Variants in COL23A1 observed in about 807,000 individuals in gnomAD.
The protein encoded by COL23A1 is collagen type XXIII alpha 1 chain, also known as collagen alpha-1(XXIII) chain.
COL23A1 carries 97 observed loss-of-function variants against 99.3 expected under a neutral mutation model. The observed-to-expected ratio is 0.98, with a 90% confidence interval of 0.83 to 1.16. The LOEUF is 1.16. Among genes scored for constraint, COL23A1 ranks in the 50% most tolerant of loss-of-function variants. The pLI is 0.00. For missense variants in COL23A1, 762 were observed against 757.4 expected (o/e 1.01, Z -0.07); for synonymous variants, 320 against 308.2 (o/e 1.04, Z -0.40).
At chr5:178,517,578 T>C (rs2128000334) in intron 2 of COL23A1, among the ~76,000 whole-genome samples, 1 of 145,212 alleles carries the variant, frequency 6.9e-6, no homozygotes, top group African/African-American at 2.6e-5. Context: ...GTTTTTTTTT[T>C]TGAGATGGAG....
chr5:178,312,799 G>A (rs1303949721), intron 2 of COL23A1, among the ~76,000 whole-genome samples: 3 of 149,370 alleles, frequency 2.0e-5, no homozygotes, highest in Non-Finnish European at 4.4e-5. Flanking sequence ...CAGCCCCTGA[G>A]GACAGGGGGT....
intron 28 of COL23A1, among the ~76,000 whole-genome samples, 160 bp downstream of exon 28, chr5:178,238,981 A>C (rs1764250750): frequency 6.6e-6 from 1 of 152,130 alleles, no homozygotes; most frequent in African/African-American, 2.4e-5. Flanking sequence ...GGAGAGTCAA[A>C]ACCAGGGTCA....
rs190771719 is a variant in COL23A1, at chr5:178,285,173, C to T, written c.441+3151G>A. 2.6e-5 allele frequency among the ~76,000 whole-genome samples: 4 copies of T among 152,248 alleles called. No homozygotes were observed. The East Asian group carries it at 7.7e-4, about 29-fold the overall frequency. On this transcript the variant is annotated intron_variant, in intron 5 of 28. Coordinates refer to ENST00000390654, the MANE Select transcript of COL23A1 (RefSeq NM_173465.4). Reference sequence around the variant, plus strand: ...ACAGATGTGGGTGGCCCCTATGCCCCGTGTCCTCCAGCCACTCCTATCAGG... The same window carrying T: ...ACAGATGTGGGTGGCCCCTATGCCCTGTGTCCTCCAGCCACTCCTATCAGG...
intron 2 of COL23A1, among the ~76,000 whole-genome samples, chr5:178,398,525 G>A (rs551603749): frequency 4.7e-4 from 71 of 152,258 alleles, no homozygotes; most frequent in African/African-American, 1.6e-3. Context: ...TACTTGGGAG[G>A]CTAAGGTGGG....
chr5:178,419,870 C>T (rs765416540), intron 2 of COL23A1, among the ~76,000 whole-genome samples: 2 of 152,158 alleles, frequency 1.3e-5, no homozygotes, highest in Non-Finnish European at 2.9e-5. Context: ...AGGCAAACGC[C>T]GAGCTGTAAC....
chr5:178,299,531 C>T (rs1205775249), intron 3 of COL23A1, among the ~76,000 whole-genome samples: 1 of 151,994 alleles, frequency 6.6e-6, no homozygotes, highest in East Asian at 1.9e-4. Flanking sequence ...ATTTGAGACT[C>T]CAGTGTTTTT....
At chr5:178,402,188 A>G (rs1764486238) in intron 2 of COL23A1, among the ~76,000 whole-genome samples, 1 of 152,124 alleles carries the variant, frequency 6.6e-6, no homozygotes, top group Admixed American at 6.5e-5. Flanking sequence ...TAGCAATAAG[A>G]AGTGAGTGAA....
Position 178,585,632 on chromosome 5 carries a change from A to ATG in COL23A1, c.294+4271_294+4272insCA, listed in dbSNP as rs1436913775. Among the ~76,000 whole-genome samples the ATG allele has an allele frequency of 1.0e-3, 152 of 152,128 alleles. 1 individual carries two copies. Among genetic ancestry groups the ATG allele is most frequent in the East Asian group, 4.1e-3 (21 of 5,172 alleles). ...CACAGCCCTGGATGGCGCTGGGGTAACACTCCACAGCCCTGGATGGCGCTG... is the reference window on the plus strand; with the variant it reads ...CACAGCCCTGGATGGCGCTGGGGTAATGCACTCCACAGCCCTGGATGGCGCTG... On this transcript the variant is annotated intron_variant, in intron 1 of 28. Coordinates refer to ENST00000390654, the MANE Select transcript of COL23A1 (RefSeq NM_173465.4).
chr5:178,347,665 G>T (rs911361686), intron 2 of COL23A1, among the ~76,000 whole-genome samples: 4 of 151,820 alleles, frequency 2.6e-5, no homozygotes, highest in African/African-American at 9.7e-5. Flanking sequence ...GGCGGATCAT[G>T]AGGTCAAGAG....
chr5:178,273,233 G>A (rs1048874999), intron 5 of COL23A1, among the ~76,000 whole-genome samples: 3 of 152,234 alleles, frequency 2.0e-5, no homozygotes, highest in Non-Finnish European at 2.9e-5. Flanking sequence ...CTCAACCCCA[G>A]AGGGAGCATC....
At chr5:178,512,397 G>C (rs986607138) in intron 2 of COL23A1, among the ~76,000 whole-genome samples, 2 of 152,232 alleles carry the variant, frequency 1.3e-5, no homozygotes, top group Non-Finnish European at 2.9e-5. Context: ...TTGAGAAAGA[G>C]TGAATCATTT....
chr5:178,246,155 GCAGGGACCCAGTGAGGTA>G, intron 24 of COL23A1, 81 bp downstream of exon 24: 13 of 809,938 alleles, frequency 1.6e-5, no homozygotes, highest in Non-Finnish European at 2.2e-5. Context: ...CCTGCGAAGT[GCAGGGACCCAGTGAGGTA>G]CAGGGTTGGG....
chr5:178,353,562 G>C (rs1019712454), intron 2 of COL23A1, among the ~76,000 whole-genome samples: 2 of 152,212 alleles, frequency 1.3e-5, no homozygotes, highest in East Asian at 1.9e-4. Flanking sequence ...GTTTCTCTGA[G>C]ACATACCCAA....
rs540921092 is a variant in COL23A1, at chr5:178,521,338, G to A, written c.361+39344C>T. 5.9e-5 allele frequency among the ~76,000 whole-genome samples: 9 copies of A among 152,256 alleles called. No individual in the cohort carries two copies. The East Asian group carries it at 1.7e-3, about 29-fold the overall frequency. On this transcript the variant is annotated intron_variant, in intron 2 of 28. Transcript: ENST00000390654. The stretch of plus-strand genomic sequence containing the variant: ...GGAGGCCAAGGCAGGTGGATCACGA[G>A]GTCAGGAGATGGAGACCATCCTGGC...
intron 3 of COL23A1, among the ~76,000 whole-genome samples, chr5:178,293,080 G>A (rs1298352310): frequency 6.6e-6 from 1 of 152,096 alleles, no homozygotes; most frequent in East Asian, 1.9e-4. Context: ...TGGACAGTGG[G>A]TGCTTTGGAG....
chr5:178,426,053 C>T (rs890499845), intron 2 of COL23A1, among the ~76,000 whole-genome samples: 2 of 152,222 alleles, frequency 1.3e-5, no homozygotes, highest in African/African-American at 4.8e-5. Flanking sequence ...AAGGGGCTCA[C>T]ATTCCTGCCG....
rs1015040636 is a variant in COL23A1 at position 178,280,055 on chromosome 5, G to A, written c.441+8269C>T. The stretch of plus-strand genomic sequence containing the variant: ...CATAACGAGAACACAGTAAATACCC[G>A]CTGAATGGATCAACAACGGTGAAGG... On this transcript the variant is annotated intron_variant, in intron 5 of 28. Transcript: ENST00000390654. The surrounding 1 kb of genome is among the most constrained non-coding windows in gnomAD (Gnocchi z 4.9). Among the ~76,000 whole-genome samples the A allele has an allele frequency of 6.6e-6, 1 of 152,216 alleles. No individual in the cohort carries two copies. Among genetic ancestry groups the A allele is most frequent in the Non-Finnish European group, 1.5e-5 (1 of 68,036 alleles).
chr5:178,466,333 T>A (rs1756420928), intron 2 of COL23A1, among the ~76,000 whole-genome samples: 1 of 152,220 alleles, frequency 6.6e-6, no homozygotes, highest in Admixed American at 6.5e-5. Context: ...TTGTCACCAT[T>A]GCTGTTGACA....
At chr5:178,447,576 C>T (rs1474102998) in intron 2 of COL23A1, among the ~76,000 whole-genome samples, 1 of 152,146 alleles carries the variant, frequency 6.6e-6, no homozygotes, top group African/African-American at 2.4e-5. Context: ...AGGTTTGTAG[C>T]CTGGGGCAAC....
Sources: allele counts gnomAD v4.1 joint callset (sites outside exome capture counted in the v4.1 genomes callset), GRCh38; gene constraint gnomAD v4.1.1; non-coding constraint Gnocchi (gnomAD v3.1); transcripts MANE v1.5; gene names NCBI Gene and HGNC (gene_info 2026-07-23, HGNC 2026-07-21).